NSFL1C: variants seen among roughly 807,000 people sequenced by gnomAD.
The protein encoded by NSFL1C is NSFL1 cofactor.
NSFL1C carries 14 observed loss-of-function variants against 43.1 expected under a neutral mutation model. That is an observed-to-expected ratio of 0.32 (90% CI 0.21 to 0.51). The LOEUF (loss-of-function observed/expected upper bound fraction) is 0.51. NSFL1C is among the 20% of genes least tolerant of loss of function. The probability of loss-of-function intolerance (pLI) is 0.98; values close to 1 mark genes in which losing one functional copy is unlikely to be tolerated. For missense variants in NSFL1C, 406 were observed against 472.5 expected (o/e 0.86, Z 1.30); for synonymous variants, 171 against 183.5 (o/e 0.93, Z 0.55).
chr20:1,451,329 C>G (rs2090176792), intron 7 of NSFL1C, among the ~76,000 whole-genome samples: 1 of 152,280 alleles, frequency 6.6e-6, no homozygotes, highest in East Asian at 1.9e-4. Flanking sequence ...GAGGGCCAGC[C>G]AGAAGCTCAG....
chr20:1,444,115 C>A (rs1466382708), intron 8 of NSFL1C, among the ~76,000 whole-genome samples: 1 of 152,230 alleles, frequency 6.6e-6, no homozygotes, highest in Non-Finnish European at 1.5e-5. Context: ...TAAACACCAA[C>A]AACCCTACTG....
chr20:1,466,773 C>T lies in NSFL1C; in HGVS notation c.52G>A (p.Ala18Thr), dbSNP rs1217202710. Reference sequence around the variant, plus strand: ...AAGAAGCGGGCCCGGTCCTCCTCGGCGCCCGTCACCGCCACGAACTCCCTC... The same window carrying T: ...AAGAAGCGGGCCCGGTCCTCCTCGGTGCCCGTCACCGCCACGAACTCCCTC... ...ALREFVAVTG[A>T]EEDRARFFLE... is the part of the protein sequence containing the mutation. The change falls in exon 1 of 9, where the codon GCC (alanine) becomes ACC (threonine). Residue 18 changes from alanine to threonine, a missense_variant. By Grantham distance (58) the Ala-to-Thr change is moderately conservative. This residue lies in a region of NSFL1C where 203 missense variants were observed against 216.3 expected (regional missense o/e 0.94). Transcript: ENST00000216879. 5 of 1,559,754 alleles carry T rather than the reference C, an allele frequency of 3.2e-6. No individual in the cohort carries two copies. The African/African-American group carries it at 4.2e-5, about 13-fold the overall frequency.
At chr20:1,449,130 C>G (rs945322682) in intron 7 of NSFL1C, among the ~76,000 whole-genome samples, 1 of 152,154 alleles carries the variant, frequency 6.6e-6, no homozygotes, top group African/African-American at 2.4e-5. Flanking sequence ...ATGGATCTCA[C>G]CAAGTCTCAG....
intron 3 of NSFL1C, chr20:1,456,781 G>A (rs1818883411): frequency 6.6e-6 from 1 of 152,230 alleles, no homozygotes; most frequent in African/African-American, 2.4e-5. Flanking sequence ...AAAAAAATCT[G>A]AAATGTGGTT....
At chr20:1,454,809 G>A (rs762974700) in intron 4 of NSFL1C, among the ~76,000 whole-genome samples, 158 bp downstream of exon 4, 6 of 152,164 alleles carry the variant, frequency 3.9e-5, no homozygotes, top group East Asian at 1.9e-4. Context: ...TTGGTTTCAC[G>A]TTAAAGGGTG....
chr20:1,464,130 T>C, intron 2 of NSFL1C, 199 bp downstream of exon 2: 1 of 530,950 alleles, frequency 1.9e-6, no homozygotes, highest in Non-Finnish European at 3.3e-6. Flanking sequence ...GATTGAACCA[T>C]AAACCACACC....
At chr20:1,465,263 C>G (rs1013591383) in intron 1 of NSFL1C, among the ~76,000 whole-genome samples, 1 of 152,174 alleles carries the variant, frequency 6.6e-6, no homozygotes, top group African/African-American at 2.4e-5. Context: ...GGGTCACCAA[C>G]TTCACAGGAG....
In NSFL1C at chr20:1,466,803, C is replaced by T. The variant is rs768407230; in HGVS notation, c.22G>A (p.Ala8Thr). ...GTCACCGCCACGAACTCCCTCAGCG[C>T]CTCCTGTCGCTCCGCCGCCATCTTC... is the stretch of plus-strand genomic sequence containing the variant. MAAERQE[A>T]LREFVAVTGA... Residue 8 changes from alanine (A) to threonine (T), a missense_variant, in exon 1 of 9, where the codon GCG becomes ACG. Around this residue, in one of 3 missense-constraint regions of NSFL1C, gnomAD observed 203 missense variants for 216.3 expected, o/e 0.94. Transcript: ENST00000216879. 5 of 1,551,430 alleles carry T rather than the reference C, an allele frequency of 3.2e-6. No individual in the cohort carries two copies. Among genetic ancestry groups the T allele is most frequent in the East Asian group, 2.5e-5 (1 of 40,088 alleles).
intron 7 of NSFL1C, among the ~76,000 whole-genome samples, chr20:1,450,763 C>T (rs1599945868): frequency 6.6e-6 from 1 of 152,198 alleles, no homozygotes; most frequent in Admixed American, 6.5e-5. Context: ...GATTTAATCA[C>T]AGAGATATTC....
At chr20:1,448,765 C>G (rs752444072) in intron 7 of NSFL1C, among the ~76,000 whole-genome samples, 6 of 152,188 alleles carry the variant, frequency 3.9e-5, no homozygotes, top group Non-Finnish European at 8.8e-5. Context: ...AACTGAGGCA[C>G]AGCAGGGTGA....
In NSFL1C at chr20:1,453,084, G is replaced by A. The variant is rs377021795; in HGVS notation, c.594C>T (p.Leu198=). ...KSGFSLDNGE[L]RSYQDPSNAQ... ...CATTGGATGGGTCTTGGTAGCTTCT[G>A]AGTTCTCCATTATCCAGGCTGAATC... Residue 198 remains leucine (L), a synonymous_variant, in exon 6 of 9, where the codon CTC becomes CTT. Coordinates refer to ENST00000216879, the MANE Select transcript of NSFL1C (RefSeq NM_016143.5). 9.5e-5 allele frequency: 154 copies of A among 1,613,636 alleles called. 1 individual carries two copies. The South Asian group carries it at 1.2e-3, about 13-fold the overall frequency.
chr20:1,442,614 T>C lies in NSFL1C; in HGVS notation c.*1135A>G, dbSNP rs1009311706. The C allele has an allele frequency of 4.6e-5, 7 of 152,182 alleles. No individual in the cohort carries two copies. Among genetic ancestry groups the C allele is most frequent in the Non-Finnish European group, 7.3e-5 (5 of 68,054 alleles). 9.4% of individuals were successfully genotyped at this position (152,182 alleles called of 1,614,324 possible). On this transcript the variant is annotated 3_prime_UTR_variant, in exon 9 of 9. Transcript: ENST00000216879. ...CAAACCTGCATAGCAATCAAACTTA[T>C]AGGGGTGGTGGAGGGTCTTTACCAG...
In NSFL1C at chr20:1,458,182, C is replaced by T; in HGVS notation, c.278+18G>A. On this transcript the variant is annotated intron_variant, in intron 3 of 8. Transcript: ENST00000216879. Reference sequence around the variant, plus strand: ...CTTCCCTGTGAACTGTCCCCCTGACCCCCTCTAGAAGACTCACCTCTGGCC... The same window carrying T: ...CTTCCCTGTGAACTGTCCCCCTGACTCCCTCTAGAAGACTCACCTCTGGCC... 6.2e-7 allele frequency: 1 copy of T among 1,606,652 alleles called. No individual in the cohort carries two copies. Among genetic ancestry groups the T allele is most frequent in the Non-Finnish European group, 8.5e-7 (1 of 1,173,350 alleles).
intron 2 of NSFL1C, among the ~76,000 whole-genome samples, chr20:1,460,023 G>A (rs557995596): frequency 2.0e-5 from 3 of 152,202 alleles, no homozygotes; most frequent in South Asian, 2.1e-4. Context: ...GATGGTATCC[G>A]ACATTGATTC....
At chr20:1,446,496 C>T (rs1309507390) in intron 7 of NSFL1C, among the ~76,000 whole-genome samples, 1 of 152,146 alleles carries the variant, frequency 6.6e-6, no homozygotes. Context: ...GTGTCAGACA[C>T]AGTGTTAGAT....
chr20:1,462,360 C>T (rs2090428109), intron 2 of NSFL1C, among the ~76,000 whole-genome samples: 1 of 152,130 alleles, frequency 6.6e-6, no homozygotes. Context: ...CTGCGCCCTC[C>T]TCCCTCCCTT....
chr20:1,457,278 CT>C (rs1278766425), intron 3 of NSFL1C, among the ~76,000 whole-genome samples: 1 of 152,044 alleles, frequency 6.6e-6, no homozygotes, highest in Non-Finnish European at 1.5e-5. Flanking sequence ...TAATGAATAA[CT>C]TTTTCTTTCT....
chr20:1,465,397 T>C (rs897892288), intron 1 of NSFL1C, among the ~76,000 whole-genome samples: 2 of 152,206 alleles, frequency 1.3e-5, no homozygotes, highest in Non-Finnish European at 2.9e-5. Flanking sequence ...GCAAGTCACA[T>C]GCATGATCCT....
At chr20:1,451,459 T>G (rs986597669) in intron 7 of NSFL1C, among the ~76,000 whole-genome samples, 6 of 152,044 alleles carry the variant, frequency 3.9e-5, no homozygotes, top group African/African-American at 1.5e-4. Context: ...TGTGCAGGAG[T>G]GCAGGAAGGA....
Sources: gnomAD v4.1 joint callset for allele counts (sites outside exome capture counted in the v4.1 genomes callset) on GRCh38, gnomAD v4.1.1 for gene constraint, gnomAD v4.1.1 regional missense constraint, MANE v1.5 for transcripts, NCBI Gene and HGNC (gene_info 2026-07-23, HGNC 2026-07-21) for gene names.